RNFT1: variants seen among roughly 807,000 people sequenced by gnomAD.
RNFT1 encodes the protein ring finger protein, transmembrane 1.
Under a neutral mutation model 53.2 loss-of-function variants are expected in RNFT1, and 35 were observed. The observed-to-expected ratio is 0.66, with a 90% confidence interval of 0.50 to 0.87. The LOEUF is 0.87. RNFT1 is among the 40% of genes least tolerant of loss of function. The pLI is 0.00. For synonymous variants in RNFT1, 141 were observed against 172.8 expected (o/e 0.82, Z 1.44); for missense variants, 421 against 515.0 (o/e 0.82, Z 1.77).
In RNFT1 at chr17:59,956,506, T is replaced by C. The variant is rs769189847; in HGVS notation, c.1053A>G (p.Arg351=). The C allele has an allele frequency of 2.5e-6, 4 of 1,611,986 alleles. No individual in the cohort carries two copies. In the African/African-American group the frequency reaches 4.0e-5, roughly 16 times the overall value. ...TACTTACTGGTTGTGTAAAAAATAT[T>C]CGTAAAACCTGTCTGAAAGTTCTCA... The part of the protein sequence containing the change: ...GHLRTFRQVL[R]IFFTQPSYGV... Residue 351 remains arginine (R), a synonymous_variant, in exon 7 of 9, where the codon CGA becomes CGG. Transcript: ENST00000305783.
rs779733197 is a variant in RNFT1 at position 59,954,103 on chromosome 17, T to C, written c.1115A>G (p.Asp372Gly). 2 of 1,604,538 alleles carry C rather than the reference T, an allele frequency of 1.2e-6. No homozygotes were observed. The highest frequency in any genetic ancestry group is 2.2e-5 in the South Asian group (2 of 89,318). The stretch of plus-strand genomic sequence containing the variant: ...AGCTTGACATATTGAACAAATATCA[T>C]CCACATCTGAACACTGTCTCTTGCT... ...AASKRQCSDV[D>G]DICSICQAEF... Residue 372 changes from aspartate to glycine, a missense_variant, in exon 8 of 9, where the codon GAT (aspartate) becomes GGT (glycine). Physicochemically the swap from Asp to Gly is moderately conservative, Grantham distance 94. Coordinates refer to ENST00000305783, the MANE Select transcript of RNFT1 (RefSeq NM_016125.4).
At chr17:59,956,632 A>G (rs1370459218) in intron 6 of RNFT1, 79 bp from the exon 7 acceptor site, 13 of 941,056 alleles carry the variant, frequency 1.4e-5, no homozygotes, top group East Asian at 1.2e-4. Context: ...CTGAAATCCC[A>G]TAACATCAAA....
Position 59,958,620 on chromosome 17 carries a change from A to C in RNFT1, c.693-176T>G, listed in dbSNP as rs1323383293. 5.9e-6 allele frequency: 4 copies of C among 682,728 alleles called. No individual in the cohort carries two copies. The African/African-American group carries it at 7.1e-5, about 12-fold the overall frequency. 42.3% of individuals were successfully genotyped at this position (682,728 alleles called of 1,614,324 possible). On this transcript the variant is annotated intron_variant, in intron 4 of 8. Transcript: ENST00000305783. ...ATCATTTTGCTTAAAGAGACTTTTT[A>C]AACCTGTTTGGATTTTAGATCTTCC...
At chr17:59,962,375 A>T in intron 3 of RNFT1, 165 bp downstream of exon 3, 1 of 559,042 alleles carries the variant, frequency 1.8e-6, no homozygotes, top group Non-Finnish European at 3.2e-6. Flanking sequence ...AGGAGAGATA[A>T]TTTATTCCAG....
chr17:59,961,973 C>T (rs576778463), intron 3 of RNFT1, among the ~76,000 whole-genome samples: 1 of 150,226 alleles, frequency 6.7e-6, no homozygotes, highest in Admixed American at 6.7e-5. Flanking sequence ...GCAACCTCCA[C>T]CTCCCAGGTT....
At chr17:59,958,251 C>T (rs776255005) in intron 5 of RNFT1, 40 bp downstream of exon 5, 19 of 1,543,142 alleles carry the variant, frequency 1.2e-5, no homozygotes, top group Middle Eastern at 4.6e-4. Flanking sequence ...TAATGTGATT[C>T]GATAACATCA....
At position 59,958,566 on chromosome 17, in the gene RNFT1, T is replaced by C. The variant is rs1287023673; in HGVS notation, c.693-122A>G. The C allele has an allele frequency of 2.4e-5, 20 of 843,938 alleles. No homozygotes were observed. In the East Asian group the frequency reaches 5.4e-4, roughly 23 times the overall value. 52.3% of individuals were successfully genotyped at this position (843,938 alleles called of 1,614,324 possible). On this transcript the variant is annotated intron_variant, in intron 4 of 8. Coordinates refer to ENST00000305783, the MANE Select transcript of RNFT1 (RefSeq NM_016125.4). ...TGTAAAAAATATGAGTTTGGCAGGATGTCAGAGTTCACAATAATGGAATGG... is the reference window on the plus strand; with the variant it reads ...TGTAAAAAATATGAGTTTGGCAGGACGTCAGAGTTCACAATAATGGAATGG...
chr17:59,963,333 C>T (rs1203446632), intron 1 of RNFT1, 49 bp from the exon 2 acceptor site: 10 of 1,496,738 alleles, frequency 6.7e-6, no homozygotes, highest in Non-Finnish European at 8.2e-6. Context: ...AGTTAAATAC[C>T]AGCAGTATAT....
intron 7 of RNFT1, among the ~76,000 whole-genome samples, chr17:59,956,109 C>A (rs888711084): frequency 2.0e-5 from 3 of 152,052 alleles, no homozygotes; most frequent in Admixed American, 6.6e-5. Flanking sequence ...AGGATTTTCA[C>A]AGGTGAATAA....
intron 1 of RNFT1, 71 bp downstream of exon 1, chr17:59,964,537 A>G: frequency 2.1e-6 from 3 of 1,458,762 alleles, no homozygotes; most frequent in South Asian, 2.5e-5. Context: ...TCGAGTGCCT[A>G]TTCTCCCCAG....
chr17:59,960,279 A>G, intron 3 of RNFT1, 111 bp from the exon 4 acceptor site: 1 of 1,207,998 alleles, frequency 8.3e-7, no homozygotes, highest in Non-Finnish European at 1.1e-6. Context: ...CTAAATCTTA[A>G]TATAGAATAT....
intron 7 of RNFT1, among the ~76,000 whole-genome samples, chr17:59,955,364 TC>T (rs1483698628): frequency 6.6e-6 from 1 of 152,192 alleles, no homozygotes; most frequent in Non-Finnish European, 1.5e-5. Context: ...TCATCTGGCA[TC>T]TTGGAGACTC....
At chr17:59,963,307 T>G in intron 1 of RNFT1, 23 bp from the exon 2 acceptor site, 1 of 1,584,122 alleles carries the variant, frequency 6.3e-7, no homozygotes, top group Non-Finnish European at 8.6e-7. Context: ...ATAAAAGATA[T>G]TCTAAGTAAA....
chr17:59,960,343 A>G (rs1202175193), intron 3 of RNFT1, among the ~76,000 whole-genome samples, 175 bp from the exon 4 acceptor site: 4 of 151,520 alleles, frequency 2.6e-5, no homozygotes, highest in African/African-American at 4.8e-5. Context: ...TTAGTGACCA[A>G]ACAGAACTCT....
Position 59,964,702 on chromosome 17 carries a change from A to T in RNFT1, c.-39T>A. On this transcript the variant is annotated 5_prime_UTR_variant, in exon 1 of 9. Coordinates refer to ENST00000305783, the MANE Select transcript of RNFT1 (RefSeq NM_016125.4). ...CCCTTCAGTCGGGGCCATCAACCGC[A>T]AACCCCGCAAGCTCTTCTCTCAGCC... is the stretch of plus-strand genomic sequence containing the variant. 6.4e-7 allele frequency: 1 copy of T among 1,571,522 alleles called. No individual in the cohort carries two copies. Among genetic ancestry groups the T allele is most frequent in the Non-Finnish European group, 8.6e-7 (1 of 1,158,236 alleles).
intron 5 of RNFT1, 124 bp from the exon 6 acceptor site, chr17:59,957,506 C>T: frequency 1.5e-6 from 1 of 666,560 alleles, no homozygotes; most frequent in Non-Finnish European, 2.3e-6. Context: ...AATTAATCTT[C>T]ATAATGATTA....
At chr17:59,957,996 G>C (rs1158542540) in intron 5 of RNFT1, among the ~76,000 whole-genome samples, 1 of 152,144 alleles carries the variant, frequency 6.6e-6, no homozygotes, top group East Asian at 1.9e-4. Context: ...ATAGTCAACT[G>C]TCAATTGATA....
intron 1 of RNFT1, among the ~76,000 whole-genome samples, chr17:59,963,885 AT>A (rs1309896327): frequency 6.6e-6 from 1 of 152,224 alleles, no homozygotes; most frequent in East Asian, 1.9e-4. Flanking sequence ...CACCAATAAT[AT>A]TACCTCCCCG....
chr17:59,953,314 C>T (rs2145113560), intron 8 of RNFT1, among the ~76,000 whole-genome samples: 1 of 152,128 alleles, frequency 6.6e-6, no homozygotes, highest in East Asian at 1.9e-4. Flanking sequence ...TCTCCTGCCT[C>T]AGCCTCCCAA....
Sources: gnomAD v4.1 joint callset for allele counts (sites outside exome capture counted in the v4.1 genomes callset) on GRCh38, gnomAD v4.1.1 for gene constraint, MANE v1.5 for transcripts, NCBI Gene and HGNC (gene_info 2026-07-23, HGNC 2026-07-21) for gene names.